The following NF1 variants were observed in gnomAD, a reference collection of about 807,000 sequenced individuals.
NF1 encodes neurofibromin 1, also known as neurofibromin.
In NF1, 122 loss-of-function variants were observed where a neutral mutation model predicts 325.7. That is an observed-to-expected ratio of 0.37 (90% confidence interval 0.32 to 0.44). NF1 has a LOEUF of 0.44. Among genes scored for constraint, NF1 ranks in the 20% least tolerant of loss-of-function variants. The pLI is 1.00. For missense variants in NF1, 2,140 were observed against 3,415.4 expected, an observed-to-expected ratio of 0.63 and a Z score of 9.31; for synonymous variants, 1,091 against 1,186.0, an observed-to-expected ratio of 0.92 and a Z score of 1.65.
In NF1 at chr17:31,201,411, A is replaced by C. The variant is rs1413735911; in HGVS notation, c.1186A>C (p.Ile396Leu). The change falls in exon 11 of 58, where the codon ATC becomes CTC. Residue 396 changes from isoleucine (I) to leucine (L), a missense_variant and splice_region_variant. Physicochemically the swap from Ile to Leu is conservative, Grantham distance 5 (BLOSUM62 2). Around this residue, in one of 10 missense-constraint regions of NF1, gnomAD observed 179 missense variants for 381.0 expected, o/e 0.47. Coordinates refer to ENST00000358273, the MANE Select transcript of NF1 (RefSeq NM_001042492.3). ...ISPHNNQHFK[I>L]CLAQNSPSTF... Reference sequence around the variant, plus strand: ...TGCTTTTTTTTTTCTTTTTCTATAGATCTGCCTGGCTCAGAATTCACCTTC... The same window carrying C: ...TGCTTTTTTTTTTCTTTTTCTATAGCTCTGCCTGGCTCAGAATTCACCTTC... 1 of 1,609,000 alleles carries C rather than the reference A, an allele frequency of 6.2e-7. No homozygotes were observed.
At chr17:31,275,460 T>C (rs2067988242) in intron 36 of NF1, among the ~76,000 whole-genome samples, 1 of 152,260 alleles carries the variant, frequency 6.6e-6, no homozygotes, top group Non-Finnish European at 1.5e-5. Flanking sequence ...TGTGCTTTTA[T>C]TGTAGTATAT....
chr17:31,197,896 C>T (rs1394342711), intron 8 of NF1, among the ~76,000 whole-genome samples: 2 of 152,150 alleles, frequency 1.3e-5, no homozygotes, highest in Admixed American at 6.5e-5. Flanking sequence ...AGGGGAAAAA[C>T]GTTCAATCTT....
intron 36 of NF1, among the ~76,000 whole-genome samples, chr17:31,269,032 A>G (rs570528210): frequency 6.6e-6 from 1 of 151,928 alleles, no homozygotes; most frequent in South Asian, 2.1e-4. Flanking sequence ...TTGGACCTTA[A>G]TGGTCTAATA....
At chr17:31,131,615 C>T (rs1344112187) in intron 1 of NF1, among the ~76,000 whole-genome samples, 3 of 152,180 alleles carry the variant, frequency 2.0e-5, no homozygotes, top group Admixed American at 6.5e-5. Context: ...TGTGGCTTTT[C>T]ATGATTTCTA....
intron 36 of NF1, among the ~76,000 whole-genome samples, chr17:31,282,591 A>G (rs1466143082): frequency 2.0e-5 from 3 of 152,116 alleles, no homozygotes; most frequent in Non-Finnish European, 4.4e-5. Flanking sequence ...GATGTTTCAT[A>G]TAAGTGGAAT....
At position 31,327,720 on chromosome 17, in the gene NF1, C is replaced by A. The variant is rs1245095693; in HGVS notation, c.5490C>A (p.Arg1830=). 3 of 1,614,136 alleles carry A rather than the reference C, an allele frequency of 1.9e-6. No individual in the cohort carries two copies. In the Admixed American group the frequency reaches 5.0e-5, roughly 27 times the overall value. The change falls in exon 38 of 58, where the codon CGC becomes CGA. Residue 1830 remains arginine (R), a synonymous_variant. Transcript: ENST00000358273. ...IVQSIIHIRT[R]WELSQPDSIP... The stretch of plus-strand genomic sequence containing the variant: ...AGTCTATCATTCATATCCGGACCCG[C>A]TGGGAACTGTCACAGCCCGACTCTA...
At chr17:31,366,505 C>G (rs539895855) in intron 57 of NF1, among the ~76,000 whole-genome samples, 1 of 152,280 alleles carries the variant, frequency 6.6e-6, no homozygotes, top group African/African-American at 2.4e-5. Flanking sequence ...GCTGATAGCT[C>G]TGTGTACGGA....
intron 36 of NF1, among the ~76,000 whole-genome samples, chr17:31,279,860 A>C (rs189384903): frequency 1.3e-5 from 2 of 152,282 alleles, no homozygotes; most frequent in East Asian, 3.9e-4. Context: ...ATAATACTGT[A>C]AGTCTGTTAT....
chr17:31,119,028 G>T (rs541988477), intron 1 of NF1, among the ~76,000 whole-genome samples: 3 of 151,234 alleles, frequency 2.0e-5, no homozygotes, highest in Non-Finnish European at 4.4e-5. Flanking sequence ...TGCAACCTCC[G>T]CCTGCCAGGT....
At chr17:31,102,321 A>G (rs1473079295) in intron 1 of NF1, among the ~76,000 whole-genome samples, 1 of 149,682 alleles carries the variant, frequency 6.7e-6, no homozygotes, top group Non-Finnish European at 1.5e-5. Flanking sequence ...TTTTTCTAAT[A>G]TAAGATTTAT....
At chr17:31,271,640 C>A (rs563322871) in intron 36 of NF1, among the ~76,000 whole-genome samples, 1 of 152,184 alleles carries the variant, frequency 6.6e-6, no homozygotes, top group African/African-American at 2.4e-5. Flanking sequence ...ATCCCAGCTA[C>A]TCTGGGGGCT....
At chr17:31,172,365 C>CTCTCTCTT (rs567403880) in intron 5 of NF1, among the ~76,000 whole-genome samples, 1 of 150,550 alleles carries the variant, frequency 6.6e-6, no homozygotes, top group Non-Finnish European at 1.5e-5. Flanking sequence ...CTCTCTCTCT[C>CTCTCTCTT]TCTCTCTTTC....
intron 11 of NF1, among the ~76,000 whole-genome samples, chr17:31,205,936 C>T (rs2066611839): frequency 6.6e-6 from 1 of 151,614 alleles, no homozygotes. Flanking sequence ...TACAGATTAG[C>T]TCTCTGAAGA....
chr17:31,121,364 A>G (rs962732345), intron 1 of NF1, among the ~76,000 whole-genome samples: 29 of 130,276 alleles, frequency 2.2e-4, no homozygotes, highest in Non-Finnish European at 3.9e-4. Flanking sequence ...ACAAATATTT[A>G]TTGAGTCCCT....
rs190614908 is a variant in NF1 at position 31,260,526 on chromosome 17, C to G, written c.4577+11C>G. The G allele has an allele frequency of 9.7e-4, 1,572 of 1,613,532 alleles. 6 individuals carry two copies. The highest frequency in any genetic ancestry group is 7.9e-3 in the Middle Eastern group (48 of 6,058). On this transcript the variant is annotated intron_variant, in intron 34 of 57. Coordinates refer to ENST00000358273, the MANE Select transcript of NF1 (RefSeq NM_001042492.3). ...TCTTTCCAGCAACAGGTAAGATTTC[C>G]CAGTCATGGGGATAGTGAACACTCT...
chr17:31,160,966 G>A (rs1004037756), intron 3 of NF1, among the ~76,000 whole-genome samples: 3 of 152,146 alleles, frequency 2.0e-5, no homozygotes, highest in African/African-American at 4.8e-5. Flanking sequence ...TATTTAAAAA[G>A]TAATGCTATT....
At chr17:31,273,762 CAGAT>C (rs2067949135) in intron 36 of NF1, 2 of 152,156 alleles carry the variant, frequency 1.3e-5, no homozygotes, top group African/African-American at 2.4e-5. Context: ...TACATATAAA[CAGAT>C]AGACTTTGGC....
intron 34 of NF1, among the ~76,000 whole-genome samples, chr17:31,261,146 GC>G: frequency 6.6e-6 from 1 of 151,848 alleles, no homozygotes; most frequent in Non-Finnish European, 1.5e-5. Context: ...GGGAGGCTGA[GC>G]CAGGAAAATC....
chr17:31,319,163 TCTC>T, intron 36 of NF1: 1 of 867,806 alleles, frequency 1.2e-6, no homozygotes, highest in Non-Finnish European at 1.8e-6. Context: ...CTGAATTCCT[TCTC>T]AACTAAATTT....
Sources: gnomAD v4.1 joint callset for allele counts (sites outside exome capture counted in the v4.1 genomes callset) on GRCh38, gnomAD v4.1.1 for gene constraint, gnomAD v4.1.1 regional missense constraint, MANE v1.5 for transcripts, NCBI Gene and HGNC (gene_info 2026-07-23, HGNC 2026-07-21) for gene names.